DNAH3: variants seen among roughly 807,000 people sequenced by gnomAD.
DNAH3 encodes the protein axonemal beta dynein heavy chain 3.
DNAH3 carries 332 observed loss-of-function variants against 432.5 expected under a neutral mutation model. The observed-to-expected ratio is 0.77, with a 90% CI of 0.70 to 0.84. The LOEUF is 0.84. Ranked by LOEUF, DNAH3 falls within the 40% of genes least tolerant of loss-of-function variation. The pLI is 0.00. For synonymous variants in DNAH3, 1,956 were observed against 1,900.2 expected (o/e 1.03, Z -0.76); for missense variants, 4,861 against 5,114.0 (o/e 0.95, Z 1.51).
rs773902224 is a variant in DNAH3, at chr16:20,944,480, T to C, written c.11511+16A>G. 1 of 1,613,750 alleles carries C rather than the reference T, an allele frequency of 6.2e-7. No homozygotes were observed. Among genetic ancestry groups the C allele is most frequent in the South Asian group, 1.1e-5 (1 of 91,058 alleles). ...CTGGGAAATAGGATTAAGCCCCCTT[T>C]CCCGAGCCCAGTTACCTGAGGGGAC... On this transcript the variant is annotated intron_variant, in intron 58 of 61. Coordinates refer to ENST00000261383, the Ensembl canonical transcript of DNAH3.
exon 44 of DNAH3, chr16:20,997,375 A>G: frequency 6.2e-7 from 1 of 1,614,128 alleles, no homozygotes; most frequent in African/African-American, 1.3e-5. Context: ...TTTTTTGTCA[A>G]ACCAGTAACC....
intron 18 of DNAH3, among the ~76,000 whole-genome samples, chr16:21,093,294 A>G (rs1296273344): frequency 6.6e-6 from 1 of 152,234 alleles, no homozygotes; most frequent in Non-Finnish European, 1.5e-5. Flanking sequence ...CTTACCTCAA[A>G]AAGTGAAATT....
chr16:21,042,649 A>AGATCTAGTAAGATCG (rs1382860191), intron 31 of DNAH3, among the ~76,000 whole-genome samples: 3 of 151,980 alleles, frequency 2.0e-5, no homozygotes, highest in African/African-American at 7.3e-5. Context: ...CTAGATCGCA[A>AGATCTAGTAAGATCG]CAGTCTAGAC....
At chr16:21,108,676 G>A (rs763477937) in intron 14 of DNAH3, among the ~76,000 whole-genome samples, 35 of 152,192 alleles carry the variant, frequency 2.3e-4, no homozygotes, top group Non-Finnish European at 4.3e-4. Context: ...CCAGGAGGTC[G>A]AGGCTGCAGT....
At chr16:21,005,261 CCCTCCCTTCTTTCTTTCTTT>C in intron 41 of DNAH3, among the ~76,000 whole-genome samples, 3 of 144,268 alleles carry the variant, frequency 2.1e-5, no homozygotes. Flanking sequence ...TTCCTTCCTT[CCCTCCCTTCTTTCTTTCTTT>C]CCTTCCTTGC....
At chr16:20,964,732 A>T in exon 53 of DNAH3, 1 of 1,614,068 alleles carries the variant, frequency 6.2e-7, no homozygotes, top group Non-Finnish European at 8.5e-7. Flanking sequence ...CCAGGCACGG[A>T]TTTTTATGGG....
intron 41 of DNAH3, among the ~76,000 whole-genome samples, chr16:21,004,334 AT>A (rs1344560717): frequency 6.6e-6 from 1 of 151,352 alleles, no homozygotes; most frequent in Non-Finnish European, 1.5e-5. Context: ...CAACATATTC[AT>A]TTTTCCTTTA....
At chr16:21,009,553 T>C (rs1423505974) in intron 41 of DNAH3, among the ~76,000 whole-genome samples, 1 of 152,214 alleles carries the variant, frequency 6.6e-6, no homozygotes, top group Non-Finnish European at 1.5e-5. Flanking sequence ...TAGAGCTAAT[T>C]TGTGGCTTGA....
intron 18 of DNAH3, among the ~76,000 whole-genome samples, chr16:21,093,721 G>A (rs548025804): frequency 4.9e-4 from 74 of 152,250 alleles, no homozygotes; most frequent in African/African-American, 1.5e-3. Context: ...ATCAGTGAAA[G>A]GCTTGACATA....
intron 12 of DNAH3, among the ~76,000 whole-genome samples, chr16:21,113,804 G>A (rs1275846170): frequency 2.0e-5 from 3 of 152,060 alleles, no homozygotes; most frequent in African/African-American, 7.2e-5. Flanking sequence ...CACCTCATAG[G>A]ATTATTGTAA....
At chr16:21,089,648 A>G (rs1383998380) in intron 18 of DNAH3, among the ~76,000 whole-genome samples, 1 of 152,194 alleles carries the variant, frequency 6.6e-6, no homozygotes, top group Admixed American at 6.5e-5. Flanking sequence ...GGAAATTAGA[A>G]AGCACTTTAA....
chr16:21,041,149 T>C (rs2089423929), intron 32 of DNAH3, among the ~76,000 whole-genome samples: 2 of 152,022 alleles, frequency 1.3e-5, no homozygotes, highest in Admixed American at 1.3e-4. Flanking sequence ...GGCAGGCAAA[T>C]TGCCTGAGGT....
intron 21 of DNAH3, among the ~76,000 whole-genome samples, chr16:21,075,052 C>A (rs987090378): frequency 5.3e-5 from 8 of 152,204 alleles, no homozygotes; most frequent in African/African-American, 1.9e-4. Context: ...CGCATTTCAA[C>A]AAGATCTCCG....
intron 24 of DNAH3, among the ~76,000 whole-genome samples, chr16:21,065,450 C>T (rs1367979570): frequency 6.6e-6 from 1 of 152,108 alleles, no homozygotes; most frequent in East Asian, 1.9e-4. Flanking sequence ...CAGGAGCCAC[C>T]ACGCCTGGTC....
chr16:21,101,815 C>T (rs1048005083), intron 16 of DNAH3, among the ~76,000 whole-genome samples: 9 of 152,188 alleles, frequency 5.9e-5, no homozygotes, highest in Non-Finnish European at 1.2e-4. Context: ...TAGCTACTCT[C>T]CCACCTCCTG....
chr16:21,014,955 G>A (rs2087788089), intron 41 of DNAH3, among the ~76,000 whole-genome samples: 1 of 152,124 alleles, frequency 6.6e-6, no homozygotes, highest in South Asian at 2.1e-4. Flanking sequence ...AATAAATAGA[G>A]AGATAATCCA....
intron 51 of DNAH3, among the ~76,000 whole-genome samples, chr16:20,974,005 C>CA (rs1378761513): frequency 1.3e-5 from 2 of 152,010 alleles, no homozygotes; most frequent in Non-Finnish European, 2.9e-5. Context: ...AACATGAGGT[C>CA]AAAACATATT....
chr16:21,145,431 A>C, intron 2 of DNAH3, 25 bp from the exon 4 acceptor site: 1 of 1,585,080 alleles, frequency 6.3e-7, no homozygotes, highest in Non-Finnish European at 8.7e-7. Flanking sequence ...GTGCAGAGTG[A>C]GACACAATGA....
At position 20,989,053 on chromosome 16, in the gene DNAH3, T is replaced by G. The variant is rs112472081; in HGVS notation, c.6602-988A>C. Reference sequence around the variant, plus strand: ...ACCCACAGAGTGAGCACCAGTAAGATTTACTGCAAAGAGCGAAAGAACAAA... The same window carrying G: ...ACCCACAGAGTGAGCACCAGTAAGAGTTACTGCAAAGAGCGAAAGAACAAA... On this transcript the variant is annotated intron_variant, in intron 44 of 61. Transcript: ENST00000261383. Among the ~76,000 whole-genome samples the G allele has an allele frequency of 2.3e-3, 346 of 152,242 alleles. 2 individuals carry two copies. The highest frequency in any genetic ancestry group is 7.2e-3 in the African/African-American group (297 of 41,538).
Sources: gnomAD v4.1 joint callset for allele counts (sites outside exome capture counted in the v4.1 genomes callset) on GRCh38, gnomAD v4.1.1 for gene constraint, MANE v1.5 for transcripts, NCBI Gene and HGNC (gene_info 2026-07-23, HGNC 2026-07-21) for gene names.